Variants in TP53BP1 observed in about 807,000 individuals in gnomAD.
TP53BP1 encodes the protein TP53-binding protein 1.
TP53BP1 carries 61 observed loss-of-function variants against 200.8 expected under a neutral mutation model. That is an observed-to-expected ratio of 0.30 (90% CI 0.25 to 0.38). The LOEUF is 0.38. Among genes scored for constraint, TP53BP1 ranks in the 10% least tolerant of loss-of-function variants. TP53BP1 has a pLI of 1.00. For synonymous variants in TP53BP1, 822 were observed against 844.3 expected (o/e 0.97, Z 0.46); for missense variants, 2,144 against 2,371.9 (o/e 0.90, Z 2.00).
intron 18 of TP53BP1, among the ~76,000 whole-genome samples, chr15:43,427,193 A>ATAGT: frequency 6.6e-6 from 1 of 152,166 alleles, no homozygotes; most frequent in Non-Finnish European, 1.5e-5. Flanking sequence ...AAGATAACAA[A>ATAGT]CAGTCACTAA....
chr15:43,410,537 CAT>C (rs2045083342), intron 24 of TP53BP1, among the ~76,000 whole-genome samples: 2 of 151,162 alleles, frequency 1.3e-5, no homozygotes, highest in African/African-American at 2.4e-5. Flanking sequence ...CTGCTCCTCT[CAT>C]ATATAAATAA....
At chr15:43,490,139 G>C (rs1442298350) in intron 4 of TP53BP1, among the ~76,000 whole-genome samples, 2 of 151,862 alleles carry the variant, frequency 1.3e-5, no homozygotes, top group Non-Finnish European at 2.9e-5. Flanking sequence ...ACCCAGGCTA[G>C]AGTGCAGTGG....
intron 23 of TP53BP1, chr15:43,415,336 G>A: frequency 1.9e-6 from 1 of 533,486 alleles, no homozygotes; most frequent in Non-Finnish European, 3.4e-6. Context: ...AGCCTCCCCA[G>A]TAGCTGGTAT....
chr15:43,495,495 T>TCTCACACA (rs1555410631), upstream of TP53BP1, among the ~76,000 whole-genome samples: 8 of 133,352 alleles, frequency 6.0e-5, no homozygotes, highest in Admixed American at 2.3e-4. Context: ...TGAGACTCCG[T>TCTCACACA]CACACACACA....
chr15:43,466,408 C>T (rs928737596), intron 11 of TP53BP1, among the ~76,000 whole-genome samples: 2 of 152,102 alleles, frequency 1.3e-5, no homozygotes, highest in Admixed American at 6.5e-5. Context: ...TAAAAAAAGA[C>T]AATTACAATT....
intron 4 of TP53BP1, among the ~76,000 whole-genome samples, chr15:43,490,591 A>C (rs2079108128): frequency 6.6e-6 from 1 of 152,014 alleles, no homozygotes; most frequent in Non-Finnish European, 1.5e-5. Context: ...CTCCTCTCTA[A>C]CCACCTCCCC....
chr15:43,428,722 C>T (rs2045606601), intron 17 of TP53BP1, among the ~76,000 whole-genome samples: 1 of 152,160 alleles, frequency 6.6e-6, no homozygotes, highest in Middle Eastern at 3.4e-3. Flanking sequence ...TCATCTATTC[C>T]AAAGAACAGA....
intron 16 of TP53BP1, among the ~76,000 whole-genome samples, chr15:43,434,143 T>C (rs778101289): frequency 1.3e-5 from 2 of 152,136 alleles, no homozygotes; most frequent in South Asian, 4.1e-4. Context: ...AATGAGAATA[T>C]ATGGTCCAAT....
intron 18 of TP53BP1, among the ~76,000 whole-genome samples, chr15:43,426,439 C>CAAAA (rs538087512): frequency 0.042 from 2,393 of 56,340 alleles, 202 homozygotes; most frequent in African/African-American, 0.13. Context: ...GACTCTGTGT[C>CAAAA]AAAAAAAAAA....
chr15:43,466,050 T>C (rs535440438), intron 11 of TP53BP1, among the ~76,000 whole-genome samples: 1 of 152,332 alleles, frequency 6.6e-6, no homozygotes, highest in African/African-American at 2.4e-5. Context: ...TCTAGAATTC[T>C]ATACTCCTGC....
chr15:43,426,542 T>A (rs1350753228), intron 18 of TP53BP1, among the ~76,000 whole-genome samples: 1 of 150,808 alleles, frequency 6.6e-6, no homozygotes, highest in African/African-American at 2.4e-5. Flanking sequence ...CAAACAACAA[T>A]TCCTCAAACT....
chr15:43,441,603 A>C lies in TP53BP1; in HGVS notation c.3041-20T>G. 1 of 1,574,708 alleles carries C rather than the reference A, an allele frequency of 6.4e-7. No individual in the cohort carries two copies. Among genetic ancestry groups the C allele is most frequent in the Non-Finnish European group, 8.7e-7 (1 of 1,144,336 alleles). On this transcript the variant is annotated intron_variant, in intron 14 of 27. Transcript: ENST00000382044. The stretch of plus-strand genomic sequence containing the variant: ...CAGGCTCTGAATAAAAACAAAACCA[A>C]GGAGAGAAAGGAAAGAGAAACAGAA...
intron 13 of TP53BP1, 64 bp downstream of exon 13, chr15:43,447,302 A>G (rs2046063873): frequency 1.3e-6 from 2 of 1,524,058 alleles, no homozygotes; most frequent in African/African-American, 2.8e-5. Context: ...CTAAAATATC[A>G]CTTGTGTAGA....
chr15:43,442,288 G>A (rs45589935), intron 14 of TP53BP1, among the ~76,000 whole-genome samples: 1,560 of 151,694 alleles, frequency 0.01, 31 homozygotes, highest in African/African-American at 0.036. Context: ...GGGTTTCACC[G>A]TGTTAGCCAG....
At chr15:43,493,847 C>T (rs543758155), upstream of TP53BP1, among the ~76,000 whole-genome samples, 1 of 152,304 alleles carries the variant, frequency 6.6e-6, no homozygotes, top group Admixed American at 6.5e-5. Context: ...CCTGCAGAGA[C>T]TACAGCCCCA....
At chr15:43,482,316 T>C (rs1287230977) in intron 4 of TP53BP1, among the ~76,000 whole-genome samples, 1 of 152,086 alleles carries the variant, frequency 6.6e-6, no homozygotes, top group Non-Finnish European at 1.5e-5. Flanking sequence ...TCACAATCTA[T>C]TAATAACATA....
In TP53BP1 at chr15:43,432,527, T is replaced by C. The variant is rs2045695951; in HGVS notation, c.3342A>G (p.Ile1114Met). The change falls in exon 17 of 28, where the codon ATA becomes ATG. Residue 1114 changes from isoleucine to methionine, a missense_variant. Ile to Met is a conservative substitution (Grantham distance 10). Transcript: ENST00000382044. The stretch of plus-strand genomic sequence containing the variant: ...CTCCTTGAGGACTGGATGGCCCTTG[T>C]ATGACCATCTTCTGGGAAGCAGGAG... ...PVSPASQKMV[I>M]QGPSSPQGEA... is the part of the protein sequence containing the mutation. The C allele has an allele frequency of 6.2e-7, 1 of 1,614,088 alleles. No homozygotes were observed. The highest frequency in any genetic ancestry group is 1.3e-5 in the African/African-American group (1 of 74,924).
chr15:43,489,150 TC>T (rs766301272), intron 4 of TP53BP1, among the ~76,000 whole-genome samples: 3 of 152,258 alleles, frequency 2.0e-5, no homozygotes, highest in Admixed American at 6.5e-5. Flanking sequence ...ATATATTTTT[TC>T]TCCTCTTTGC....
At chr15:43,411,058 C>T (rs1029081883) in intron 24 of TP53BP1, among the ~76,000 whole-genome samples, 1 of 152,178 alleles carries the variant, frequency 6.6e-6, no homozygotes, top group African/African-American at 2.4e-5. Flanking sequence ...GAGTCACTGC[C>T]AACACCCCTT....
Sources: allele counts gnomAD v4.1 joint callset (sites outside exome capture counted in the v4.1 genomes callset), GRCh38; gene constraint gnomAD v4.1.1; transcripts MANE v1.5; gene names NCBI Gene and HGNC (gene_info 2026-07-23, HGNC 2026-07-21).